The following AADAT variants were observed in gnomAD, a reference collection of about 807,000 sequenced individuals.
The protein encoded by AADAT is aminoadipate aminotransferase.
A neutral mutation model predicts 56.2 loss-of-function variants in AADAT; 25 were observed. The ratio of observed to expected loss-of-function variants is 0.44; its 90% confidence interval spans 0.32 to 0.62. AADAT has a LOEUF of 0.62. Among genes scored for constraint, AADAT ranks in the 20% least tolerant of loss-of-function variants. The pLI is 0.04. For synonymous variants in AADAT, 173 were observed against 164.7 expected, an observed-to-expected ratio of 1.05 and a Z score of -0.39; for missense variants, 387 against 510.5, an observed-to-expected ratio of 0.76 and a Z score of 2.33.
chr4:170,064,772 T>A lies in AADAT; in HGVS notation c.1081A>T (p.Lys361Ter). 2 of 1,612,334 alleles carry A rather than the reference T, an allele frequency of 1.2e-6. No homozygotes were observed. Among genetic ancestry groups the A allele is most frequent in the Non-Finnish European group, 8.5e-7 (1 of 1,179,652 alleles). Residue 361 changes from lysine (K) to a stop codon, truncating the protein, a stop_gained, in exon 11 of 13, where the codon AAA becomes TAA. Coordinates refer to ENST00000337664, the MANE Select transcript of AADAT (RefSeq NM_016228.4). LOFTEE classifies it high-confidence loss of function. ...AGTTCTTTTACATCATTAATGCCTT[T>A]AACTTTAATCCATAAAAACATTCCA... ...AAGMFLWIKVKGINDVKELIE... is the reference protein window; with the variant it reads ...AAGMFLWIKV
At chr4:170,083,380 A>AGAG (rs1732408368) in intron 3 of AADAT, among the ~76,000 whole-genome samples, 1 of 152,106 alleles carries the variant, frequency 6.6e-6, no homozygotes, top group African/African-American at 2.4e-5. Flanking sequence ...GACAGCAAAA[A>AGAG]CAGTACTAAG....
At position 170,066,403 on chromosome 4, in the gene AADAT, G is replaced by A. The variant is rs374625874; in HGVS notation, c.1027+11C>T. ...CTGTTTATCATGAGGACGAATATAC[G>A]TTCCACTCACCAGTTAACCACTTGT... On this transcript the variant is annotated intron_variant, in intron 10 of 12. Coordinates refer to ENST00000337664, the MANE Select transcript of AADAT (RefSeq NM_016228.4). 28 of 1,611,328 alleles carry A rather than the reference G, an allele frequency of 1.7e-5. No homozygotes were observed. The highest frequency in any genetic ancestry group is 8.9e-5 in the East Asian group (4 of 44,850).
Position 170,070,660 on chromosome 4 carries a change from AGGTT to A in AADAT, c.655-12_655-9del, listed in dbSNP as rs35644368. The A allele has an allele frequency of 0.26, 394,016 of 1,510,412 alleles. 56,240 individuals carry two copies. Among genetic ancestry groups the A allele is most frequent in the East Asian group, 0.63 (27,379 of 43,416 alleles). 93.6% of individuals were successfully genotyped at this position (1,510,412 alleles called of 1,614,324 possible). ...ATCATATTTTCTTGCAAGCTAAAAA[AGGTT>A]GAAGTAATTGTTTATTTCTTAATCT... On this transcript the variant is annotated splice_polypyrimidine_tract_variant and intron_variant, in intron 5 of 12. Coordinates refer to ENST00000337664, the MANE Select transcript of AADAT (RefSeq NM_016228.4).
chr4:170,093,992 C>T (rs921869806), upstream of AADAT, among the ~76,000 whole-genome samples: 22 of 152,182 alleles, frequency 1.4e-4, no homozygotes, highest in African/African-American at 5.3e-4. Context: ...AACTGAAGAG[C>T]TGTGAGAGCA....
chr4:170,079,430 G>A (rs190047222), intron 3 of AADAT, among the ~76,000 whole-genome samples: 18 of 152,232 alleles, frequency 1.2e-4, no homozygotes, highest in East Asian at 7.7e-4. Flanking sequence ...TTAGATACTC[G>A]TCTTGAAAAG....
chr4:170,092,115 G>A (rs1489742174), upstream of AADAT, among the ~76,000 whole-genome samples: 3 of 152,260 alleles, frequency 2.0e-5, no homozygotes, highest in Non-Finnish European at 2.9e-5. Context: ...TCAGCAGGAT[G>A]TGGATGGGGC....
At chr4:170,074,637 CCT>C (rs1483100790) in intron 4 of AADAT, among the ~76,000 whole-genome samples, 3 of 151,994 alleles carry the variant, frequency 2.0e-5, no homozygotes, top group African/African-American at 2.4e-5. Flanking sequence ...CTGTAGGCCC[CCT>C]GTTATGCCGA....
intron 4 of AADAT, among the ~76,000 whole-genome samples, chr4:170,077,585 C>A (rs183954553): frequency 8.5e-5 from 13 of 152,288 alleles, no homozygotes; most frequent in African/African-American, 2.9e-4. Context: ...TTGAATTCCC[C>A]TACTCTAAGC....
chr4:170,073,445 C>T, intron 4 of AADAT, 100 bp from the exon 5 acceptor site: 1 of 1,039,056 alleles, frequency 9.6e-7, no homozygotes, highest in Non-Finnish European at 1.4e-6. Flanking sequence ...CTCATTCATA[C>T]CCTTAAAAAT....
At chr4:170,090,904 T>C (rs1732796309), upstream of AADAT, among the ~76,000 whole-genome samples, 1 of 152,262 alleles carries the variant, frequency 6.6e-6, no homozygotes, top group Non-Finnish European at 1.5e-5. Context: ...AGATGATTAT[T>C]GACTCACTGC....
intron 11 of AADAT, among the ~76,000 whole-genome samples, chr4:170,063,086 A>G (rs1247838441): frequency 6.6e-6 from 1 of 152,180 alleles, no homozygotes; most frequent in Admixed American, 6.5e-5. Flanking sequence ...GTTGGGAGTG[A>G]TATGATTTGG....
chr4:170,069,061 GA>G (rs1731628977), intron 7 of AADAT, 86 bp downstream of exon 7: 10 of 1,168,826 alleles, frequency 8.6e-6, no homozygotes, highest in Middle Eastern at 2.0e-4. Flanking sequence ...CATTTTAAGT[GA>G]AAAAAATTGT....
intron 7 of AADAT, among the ~76,000 whole-genome samples, 158 bp from the exon 8 acceptor site, chr4:170,068,845 CA>C (rs1731613752): frequency 6.6e-6 from 1 of 152,122 alleles, no homozygotes; most frequent in Non-Finnish European, 1.5e-5. Flanking sequence ...ATTTCAAAAA[CA>C]AATTTAAGTG....
At chr4:170,092,466 C>A (rs80112881), upstream of AADAT, among the ~76,000 whole-genome samples, 8,239 of 152,304 alleles carry the variant, frequency 0.054, 311 homozygotes, top group Non-Finnish European at 0.084. Flanking sequence ...CACATCCGAA[C>A]CTCAGAAGGA....
chr4:170,088,561 T>G lies in AADAT; in HGVS notation c.71A>C (p.Asp24Ala). ...CGATTTTGGTCCTCTGCTCAATATG[T>G]CAGCTACAATACACATGGAAGAGAA... Reference protein sequence around the residue: ...RNPSPIRTMTDILSRGPKSMI... With the variant: ...RNPSPIRTMTAILSRGPKSMI... Residue 24 changes from aspartate (D) to alanine (A), a missense_variant, in exon 2 of 13, where the codon GAC becomes GCC. Physicochemically the swap from Asp to Ala is moderately radical, Grantham distance 126. Coordinates refer to ENST00000337664, the MANE Select transcript of AADAT (RefSeq NM_016228.4). The G allele has an allele frequency of 6.2e-7, 1 of 1,610,118 alleles. No homozygotes were observed. Among genetic ancestry groups the G allele is most frequent in the Admixed American group, 1.7e-5 (1 of 59,958 alleles).
chr4:170,080,057 G>C (rs1304155691), intron 3 of AADAT, among the ~76,000 whole-genome samples: 1 of 152,172 alleles, frequency 6.6e-6, no homozygotes, highest in African/African-American at 2.4e-5. Context: ...TACTGAGAGA[G>C]CTAGAGGAGG....
intron 9 of AADAT, 81 bp downstream of exon 9, chr4:170,067,246 A>C: frequency 9.7e-7 from 1 of 1,035,322 alleles, no homozygotes; most frequent in Non-Finnish European, 1.5e-6. Flanking sequence ...AAGGAAGAAT[A>C]AATCAATACT....
At chr4:170,078,075 C>A (rs111568392) in intron 4 of AADAT, among the ~76,000 whole-genome samples, 1 of 152,070 alleles carries the variant, frequency 6.6e-6, no homozygotes, top group African/African-American at 2.4e-5. Context: ...CACAGTTCCA[C>A]GGATCTAACC....
chr4:170,079,869 T>C (rs564878640), intron 3 of AADAT, among the ~76,000 whole-genome samples: 1 of 152,284 alleles, frequency 6.6e-6, no homozygotes, highest in African/African-American at 2.4e-5. Flanking sequence ...AGCCTGGAAG[T>C]TACTGGCATA....
Sources: allele counts gnomAD v4.1 joint callset (sites outside exome capture counted in the v4.1 genomes callset), GRCh38; gene constraint gnomAD v4.1.1; transcripts MANE v1.5; gene names NCBI Gene and HGNC (gene_info 2026-07-23, HGNC 2026-07-21).